The following UBR4 variants were observed in gnomAD, a reference collection of about 807,000 sequenced individuals.
The protein encoded by UBR4 is ubiquitin protein ligase E3 component n-recognin 4.
In UBR4, 124 loss-of-function variants were observed where a neutral mutation model predicts 575.6. The observed-to-expected ratio is 0.22, with a 90% CI of 0.19 to 0.25. UBR4 has a LOEUF of 0.25. UBR4 is among the 10% of genes least tolerant of loss of function. The probability of loss-of-function intolerance (pLI) is 1.00; values close to 1 mark genes in which losing one functional copy is unlikely to be tolerated. For missense variants in UBR4, 4,818 were observed against 6,478.8 expected, an observed-to-expected ratio of 0.74 and a Z score of 8.80; for synonymous variants, 2,455 against 2,473.7, an observed-to-expected ratio of 0.99 and a Z score of 0.22.
At chr1:19,137,169 G>A (rs748724992) in intron 60 of UBR4, among the ~76,000 whole-genome samples, 25 of 151,780 alleles carry the variant, frequency 1.6e-4, no homozygotes, top group Non-Finnish European at 3.1e-4. Flanking sequence ...GCGTGGTACC[G>A]CACACCTGTA....
chr1:19,105,931 T>C lies in UBR4; in HGVS notation c.12394-89A>G, dbSNP rs2079141200. ...GCAGGGCAGTCAACTGCCACCCATC[T>C]AGGAGAGGTCTTCTGGGCACCTCTC... On this transcript the variant is annotated intron_variant, in intron 83 of 105. Transcript: ENST00000375254. 7 of 920,994 alleles carry C rather than the reference T, an allele frequency of 7.6e-6. No homozygotes were observed. The East Asian group carries it at 1.8e-4, about 23-fold the overall frequency. The allele number at this position is 920,994 out of a possible 1,614,324, so 57.1% of individuals were successfully genotyped here.
At chr1:19,126,340 C>T in intron 64 of UBR4, 106 bp downstream of exon 64, 3 of 1,370,326 alleles carry the variant, frequency 2.2e-6, no homozygotes, top group Non-Finnish European at 1.0e-6. Context: ...CCGGCTCCTT[C>T]CTATGGCTCT....
chr1:19,165,147 G>T, intron 31 of UBR4, 102 bp downstream of exon 31: 2 of 1,470,028 alleles, frequency 1.4e-6, no homozygotes, highest in Non-Finnish European at 1.9e-6. Context: ...CTCTCCACTC[G>T]TTAGCATTTT....
intron 55 of UBR4, among the ~76,000 whole-genome samples, chr1:19,143,766 ATGGCCTT>A (rs2084435214): frequency 6.6e-6 from 1 of 152,182 alleles, no homozygotes; most frequent in Non-Finnish European, 1.5e-5. Flanking sequence ...TTATTTTCCC[ATGGCCTT>A]TAATCTTTAT....
intron 2 of UBR4, among the ~76,000 whole-genome samples, chr1:19,201,348 G>A (rs2092731601): frequency 6.6e-6 from 1 of 152,160 alleles, no homozygotes; most frequent in Admixed American, 6.5e-5. Context: ...ATAAGGAATA[G>A]AGCCTTGAGT....
Position 19,076,827 on chromosome 1 carries a change from T to G in UBR4, c.15400A>C (p.Ile5134Leu). The G allele has an allele frequency of 6.2e-7, 1 of 1,613,590 alleles. No individual in the cohort carries two copies. Among genetic ancestry groups the G allele is most frequent in the Non-Finnish European group, 8.5e-7 (1 of 1,179,810 alleles). The change falls in exon 105 of 106, where the codon ATC (isoleucine) becomes CTC (leucine). Residue 5134 changes from isoleucine (I) to leucine (L), a missense_variant. By Grantham distance (5) the Ile-to-Leu change is conservative (BLOSUM62 2). Around this residue, in one of 29 missense-constraint regions of UBR4, gnomAD observed 212 missense variants for 221.3 expected, o/e 0.96. Coordinates refer to ENST00000375254, the MANE Select transcript of UBR4 (RefSeq NM_020765.3). ...AEYIRHNDMP[I>L]YEAADKALKT... ...AGGGCTTTGTCGGCAGCTTCGTAGA[T>G]GGGCATGTCGTTGTGGCGGATGTAC...
In UBR4 at chr1:19,105,158, A is replaced by G; in HGVS notation, c.12535T>C (p.Cys4179Arg). The G allele has an allele frequency of 6.2e-7, 1 of 1,613,666 alleles. No individual in the cohort carries two copies. The highest frequency in any genetic ancestry group is 8.5e-7 in the Non-Finnish European group (1 of 1,179,910). Residue 4179 changes from cysteine to arginine, a missense_variant, in exon 85 of 106, where the codon TGT (cysteine) becomes CGT (arginine). Physicochemically the swap from Cys to Arg is radical, Grantham distance 180. This residue lies in a region of UBR4 where 178 missense variants were observed against 175.5 expected (regional missense o/e 1.01). Transcript: ENST00000375254. ...YLDELSIAGE[C>R]AAEYLALYQK... Reference sequence around the variant, plus strand: ...TAGAGAGCCAGGTACTCAGCTGCACACTCCCCAGCTATGCTCAGCTCATCC... The same window carrying G: ...TAGAGAGCCAGGTACTCAGCTGCACGCTCCCCAGCTATGCTCAGCTCATCC...
Position 19,115,571 on chromosome 1 carries a change from G to A in UBR4, c.10890C>T (p.Asp3630=). Residue 3630 remains aspartate, a synonymous_variant, in exon 74 of 106, where the codon GAC becomes GAT. Coordinates refer to ENST00000375254, the MANE Select transcript of UBR4 (RefSeq NM_020765.3). The part of the protein sequence containing the change: ...LTPGQTEVKI[D]LPLPIVASNL... ...TGGAGGCCACAATGGGCAACGGCAG[G>A]TCAATCTTCACCTCTGTCTGTCCAG... 8 of 1,614,184 alleles carry A rather than the reference G, an allele frequency of 5.0e-6. No homozygotes were observed. The highest frequency in any genetic ancestry group is 6.8e-6 in the Non-Finnish European group (8 of 1,180,028).
rs1309350377 is a variant in UBR4, at chr1:19,157,280, A to G, written c.5761-355T>C. ...GACTATCCATATTTTCACTTAAAAT[A>G]AAAGTTAAAACAACATTAGTGGTGA... On this transcript the variant is annotated intron_variant, in intron 40 of 105. Transcript: ENST00000375254. This position sits in a 1 kb window ranked among gnomAD's most constrained non-coding sequence, Gnocchi z 4.4. Among the ~76,000 whole-genome samples, 1 of 152,278 alleles carries G rather than the reference A, an allele frequency of 6.6e-6. No individual in the cohort carries two copies. Among genetic ancestry groups the G allele is most frequent in the Non-Finnish European group, 1.5e-5 (1 of 68,052 alleles).
intron 49 of UBR4, among the ~76,000 whole-genome samples, 159 bp from the exon 50 acceptor site, chr1:19,148,785 G>A (rs898249454): frequency 2.6e-5 from 4 of 152,176 alleles, no homozygotes; most frequent in African/African-American, 7.2e-5. Context: ...CATGCATATC[G>A]TTTCCTACGT....
chr1:19,075,897 G>A (rs911480212), intron 105 of UBR4, among the ~76,000 whole-genome samples: 1 of 152,268 alleles, frequency 6.6e-6, no homozygotes. Flanking sequence ...CACAACGAAT[G>A]CCATAAAAAA....
chr1:19,195,769 A>C (rs1268324609), intron 8 of UBR4, among the ~76,000 whole-genome samples: 1 of 152,056 alleles, frequency 6.6e-6, no homozygotes, highest in African/African-American at 2.4e-5. Context: ...ATTTCCCCAC[A>C]CCAAAATACC....
intron 19 of UBR4, 83 bp downstream of exon 19, chr1:19,177,378 T>C: frequency 6.5e-7 from 1 of 1,544,452 alleles, no homozygotes; most frequent in Non-Finnish European, 8.8e-7. Context: ...GGGTAGGTCA[T>C]TTGGGCTGCG....
Position 19,121,931 on chromosome 1 carries a change from T to C in UBR4, c.9895+3A>G. 6.2e-7 allele frequency: 1 copy of C among 1,614,166 alleles called. No individual in the cohort carries two copies. Among genetic ancestry groups the C allele is most frequent in the East Asian group, 2.2e-5 (1 of 44,872 alleles). ...AGCAATCAAAAGGAGCAGCATTGCT[T>C]ACAGTCATCTTTGATGCAGAATTTC... is the stretch of plus-strand genomic sequence containing the variant. On this transcript the variant is annotated splice_donor_region_variant and intron_variant, in intron 67 of 105. Coordinates refer to ENST00000375254, the MANE Select transcript of UBR4 (RefSeq NM_020765.3).
At chr1:19,148,152 T>A (rs368835745) in intron 50 of UBR4, 25 bp from the exon 51 acceptor site, 4 of 1,590,750 alleles carry the variant, frequency 2.5e-6, no homozygotes, top group Middle Eastern at 1.7e-4. Flanking sequence ...AGCAGGGTTA[T>A]CACTAACCCC....
intron 90 of UBR4, among the ~76,000 whole-genome samples, chr1:19,098,045 G>A (rs1205914561): frequency 1.3e-5 from 2 of 152,182 alleles, no homozygotes; most frequent in Non-Finnish European, 2.9e-5. Context: ...CTAGAAATTG[G>A]AGCTCAAAGT....
At chr1:19,165,584 C>T in intron 30 of UBR4, 72 bp downstream of exon 30, 1 of 1,475,606 alleles carries the variant, frequency 6.8e-7, no homozygotes, top group Non-Finnish European at 9.3e-7. Context: ...GTACCTAAAT[C>T]AACATATATA....
rs2077307885 is a variant in UBR4 at position 19,089,424 on chromosome 1, G to A, written c.14212-447C>T. On this transcript the variant is annotated intron_variant, in intron 97 of 105. Coordinates refer to ENST00000375254, the MANE Select transcript of UBR4 (RefSeq NM_020765.3). The surrounding 1 kb of genome is among the most constrained non-coding windows in gnomAD (Gnocchi z 4.3). ...GACCTGCCCTGAGTTCTCCACGGGA[G>A]CCCCTGGGTCCACCAAACCTAGGAG... 6.6e-6 allele frequency among the ~76,000 whole-genome samples: 1 copy of A among 152,172 alleles called. No homozygotes were observed. Among genetic ancestry groups the A allele is most frequent in the East Asian group, 1.9e-4 (1 of 5,194 alleles).
intron 11 of UBR4, among the ~76,000 whole-genome samples, chr1:19,191,664 A>G (rs1477262047): frequency 6.6e-6 from 1 of 152,208 alleles, no homozygotes; most frequent in Non-Finnish European, 1.5e-5. Flanking sequence ...CAATGCCTAG[A>G]ATAGGGCCTA....
Sources: allele counts gnomAD v4.1 joint callset (sites outside exome capture counted in the v4.1 genomes callset), GRCh38; gene constraint gnomAD v4.1.1; regional missense constraint gnomAD v4.1.1; non-coding constraint Gnocchi (gnomAD v3.1); transcripts MANE v1.5; gene names NCBI Gene and HGNC (gene_info 2026-07-23, HGNC 2026-07-21).